Variants in SDAD1 observed in about 807,000 individuals in gnomAD.
SDAD1 encodes the protein SDA1 domain containing 1.
SDAD1 carries 79 observed loss-of-function variants against 100.3 expected under a neutral mutation model. The observed-to-expected ratio is 0.79, with a 90% confidence interval of 0.66 to 0.95. The LOEUF (loss-of-function observed/expected upper bound fraction) is 0.95, where lower values mean the gene tolerates loss of function less well. Among genes scored for constraint, SDAD1 ranks in the 40% least tolerant of loss-of-function variants. The pLI, the probability that SDAD1 is intolerant of heterozygous loss-of-function variation, is 0.00. For synonymous variants in SDAD1, 267 were observed against 271.4 expected, an observed-to-expected ratio of 0.98 and a Z score of 0.16; for missense variants, 790 against 810.9, an observed-to-expected ratio of 0.97 and a Z score of 0.31.
Position 75,961,103 on chromosome 4 carries a change from A to G in SDAD1, c.1281T>C (p.Asn427=). The change falls in exon 16 of 22, where the codon AAT becomes AAC. Residue 427 remains asparagine, a splice_region_variant and synonymous_variant. Transcript: ENST00000356260. ...TCAAAGTTCTAGCAGACATCATTACATCTGTAAAATAATACTTTTAATTAG... is the reference window on the plus strand; with the variant it reads ...TCAAAGTTCTAGCAGACATCATTACGTCTGTAAAATAATACTTTTAATTAG... ...LAQYKTHKDK[N]VMMSARTLIH... is the part of the protein sequence containing the mutation. The G allele has an allele frequency of 6.2e-7, 1 of 1,613,872 alleles. No individual in the cohort carries two copies. The highest frequency in any genetic ancestry group is 8.5e-7 in the Non-Finnish European group (1 of 1,179,740).
intron 12 of SDAD1, 71 bp from the exon 13 acceptor site, chr4:75,965,893 G>C: frequency 7.9e-7 from 1 of 1,262,428 alleles, no homozygotes; most frequent in Middle Eastern, 1.9e-4. Flanking sequence ...CAGCAAACAT[G>C]GCAAGCTCAT....
rs559610275 is a variant in SDAD1, at chr4:75,957,270, T to C, written c.1854+55A>G. 7.7e-5 allele frequency: 112 copies of C among 1,455,338 alleles called. 2 individuals carry two copies. The South Asian group carries it at 1.1e-3, about 14-fold the overall frequency. The allele number at this position is 1,455,338 out of a possible 1,614,324, so 90.2% of individuals were successfully genotyped here. ...CTGTGGCTATACAAGTTCTGGCTTA[T>C]GTTTCATTTTATTTGCTTTCTGTTT... On this transcript the variant is annotated intron_variant, in intron 20 of 21. Transcript: ENST00000356260.
At chr4:75,974,607 G>A (rs1730052828) in intron 6 of SDAD1, among the ~76,000 whole-genome samples, 1 of 152,092 alleles carries the variant, frequency 6.6e-6, no homozygotes. Flanking sequence ...TACTTGGGAG[G>A]CTGAGGCACG....
rs1258866539 is a variant in SDAD1 at position 75,974,061 on chromosome 4, C to A, written c.636+15G>T. On this transcript the variant is annotated intron_variant, in intron 7 of 21. Coordinates refer to ENST00000356260, the MANE Select transcript of SDAD1 (RefSeq NM_018115.4). Reference sequence around the variant, plus strand: ...TCCACAGACAGAGCTTACACACAGCCCTATAGGTGCTCACCTTGGTGACCT... The same window carrying A: ...TCCACAGACAGAGCTTACACACAGCACTATAGGTGCTCACCTTGGTGACCT... 1 of 1,610,730 alleles carries A rather than the reference C, an allele frequency of 6.2e-7. No homozygotes were observed. Among genetic ancestry groups the A allele is most frequent in the Non-Finnish European group, 8.5e-7 (1 of 1,177,180 alleles).
intron 1 of SDAD1, among the ~76,000 whole-genome samples, chr4:75,984,889 G>A (rs950240971): frequency 1.3e-5 from 2 of 150,898 alleles, no homozygotes; most frequent in Admixed American, 1.3e-4. Flanking sequence ...TCTCTGTTTA[G>A]GTGTCTAAAC....
intron 1 of SDAD1, among the ~76,000 whole-genome samples, chr4:75,984,391 G>A (rs1026731395): frequency 3.3e-5 from 5 of 151,878 alleles, no homozygotes; most frequent in Non-Finnish European, 7.4e-5. Context: ...GGACTCAAAC[G>A]CCTGGCCTCA....
chr4:75,971,969 C>T (rs1464765438), intron 8 of SDAD1, among the ~76,000 whole-genome samples: 10 of 142,130 alleles, frequency 7.0e-5, no homozygotes, highest in African/African-American at 2.6e-4. Flanking sequence ...GATGGAGTCT[C>T]ATTCTGGCAC....
At chr4:75,971,531 C>T in intron 8 of SDAD1, 73 bp from the exon 9 acceptor site, 2 of 1,095,496 alleles carry the variant, frequency 1.8e-6, no homozygotes, top group South Asian at 2.6e-5. Context: ...AACCTTTCAG[C>T]CACTTCTTCG....
chr4:75,954,150 G>A (rs1304075645), intron 21 of SDAD1, among the ~76,000 whole-genome samples: 1 of 152,056 alleles, frequency 6.6e-6, no homozygotes, highest in Admixed American at 6.6e-5. Context: ...GGGAGACCGA[G>A]GCAGGCAGAT....
chr4:75,957,769 T>C (rs942420590), intron 18 of SDAD1, 61 bp from the exon 19 acceptor site: 11 of 1,612,074 alleles, frequency 6.8e-6, no homozygotes, highest in Middle Eastern at 1.6e-4. Flanking sequence ...GCCATTTAAA[T>C]TGTAGCCTCC....
rs562848061 is a variant in SDAD1, at chr4:75,970,986, AAACT to A, written c.813+367_813+370del. Reference sequence around the variant, plus strand: ...TTGTTCTTTATAGCAGTGTGAAAACAAACTAATACAATTAATAAACACACAAGGG... The same window carrying A: ...TTGTTCTTTATAGCAGTGTGAAAACAAATACAATTAATAAACACACAAGGG... On this transcript the variant is annotated intron_variant, in intron 9 of 21. Coordinates refer to ENST00000356260, the MANE Select transcript of SDAD1 (RefSeq NM_018115.4). Among the ~76,000 whole-genome samples, 13 of 152,348 alleles carry A rather than the reference AAACT, an allele frequency of 8.5e-5. No individual in the cohort carries two copies. In the East Asian group the frequency reaches 2.5e-3, roughly 29 times the overall value.
chr4:75,960,608 G>A (rs1729175365), intron 16 of SDAD1, among the ~76,000 whole-genome samples: 1 of 152,164 alleles, frequency 6.6e-6, no homozygotes, highest in Non-Finnish European at 1.5e-5. Flanking sequence ...TTATTAGAGA[G>A]TAACTGCTCT....
At chr4:75,990,281 C>A (rs932845395) in intron 1 of SDAD1, among the ~76,000 whole-genome samples, 1 of 149,752 alleles carries the variant, frequency 6.7e-6, no homozygotes, top group East Asian at 2.0e-4. Context: ...GAAACCCCCC[C>A]CCCCCCTTTC....
At chr4:75,979,560 A>G (rs1438022782) in intron 3 of SDAD1, among the ~76,000 whole-genome samples, 2 of 151,848 alleles carry the variant, frequency 1.3e-5, no homozygotes, top group Non-Finnish European at 2.9e-5. Context: ...GGTTCAAGCA[A>G]TTCTCCTGAC....
At chr4:75,970,248 G>A in intron 10 of SDAD1, 61 bp downstream of exon 10, 2 of 1,367,014 alleles carry the variant, frequency 1.5e-6, no homozygotes, top group South Asian at 1.2e-5. Context: ...AACCCCAAAG[G>A]CAGGAAATAA....
In SDAD1 at chr4:75,990,787, G is replaced by A. The variant is rs778848101; in HGVS notation, c.55C>T (p.Leu19=). ...LPSNLPQLQN[L]IKRDPPAYIE... ...TAGGCCGGCGGGTCTCGCTTGATTA[G>A]ATTCTGTAACTGCGGCAGGTTGCTG... Residue 19 remains leucine, a synonymous_variant, in exon 1 of 22, where the codon CTA becomes TTA. Coordinates refer to ENST00000356260, the MANE Select transcript of SDAD1 (RefSeq NM_018115.4). 9 of 1,614,038 alleles carry A rather than the reference G, an allele frequency of 5.6e-6. No individual in the cohort carries two copies. In the East Asian group the frequency reaches 2.0e-4, roughly 36 times the overall value.
chr4:75,975,960 A>G lies in SDAD1; in HGVS notation c.441T>C (p.Asn147=). 6.2e-7 allele frequency: 1 copy of G among 1,604,574 alleles called. No individual in the cohort carries two copies. The highest frequency in any genetic ancestry group is 8.5e-7 in the Non-Finnish European group (1 of 1,171,414). ...TATTGTTCTTGTGTTTTGCATTTAT[A>G]TTCTTGATATCAGTCACAATATGTG... is the stretch of plus-strand genomic sequence containing the variant. ...LYTHIVTDIK[N]INAKHKNNKV... The change falls in exon 5 of 22, where the codon AAT becomes AAC. Residue 147 remains asparagine (N), a synonymous_variant. Transcript: ENST00000356260.
chr4:75,969,258 T>C, intron 11 of SDAD1, 38 bp downstream of exon 11: 1 of 1,515,144 alleles, frequency 6.6e-7, no homozygotes. Flanking sequence ...AAATTCTACT[T>C]CAAATATTCA....
At chr4:75,984,355 C>T (rs1207744222) in intron 1 of SDAD1, among the ~76,000 whole-genome samples, 2 of 151,950 alleles carry the variant, frequency 1.3e-5, no homozygotes, top group African/African-American at 2.4e-5. Context: ...TTTGTAGAGA[C>T]GGGATCTCTT....
Sources: gnomAD v4.1 joint callset for allele counts (sites outside exome capture counted in the v4.1 genomes callset) on GRCh38, gnomAD v4.1.1 for gene constraint, MANE v1.5 for transcripts, NCBI Gene and HGNC (gene_info 2026-07-23, HGNC 2026-07-21) for gene names.